Variants in BCO1 observed in about 807,000 individuals in gnomAD.
The protein encoded by BCO1 is beta,beta-carotene 15,15'-dioxygenase.
In BCO1, 54 loss-of-function variants were observed where a neutral mutation model predicts 56.3. The ratio of observed to expected loss-of-function variants is 0.96; its 90% CI spans 0.77 to 1.20. The LOEUF (loss-of-function observed/expected upper bound fraction) is 1.20. Ranked by LOEUF, BCO1 falls within the 50% of genes most tolerant of loss-of-function variation. The pLI is 0.00. For missense variants in BCO1, 801 were observed against 690.9 expected, an observed-to-expected ratio of 1.16 and a Z score of -1.79; for synonymous variants, 318 against 266.1, an observed-to-expected ratio of 1.20 and a Z score of -1.90.
rs1458087704 is a variant in BCO1 at position 81,249,562 on chromosome 16, A to C, written c.193+3959A>C. Among the ~76,000 whole-genome samples, 6 of 150,778 alleles carry C rather than the reference A, an allele frequency of 4.0e-5. No individual in the cohort carries two copies. The East Asian group carries it at 9.8e-4, about 25-fold the overall frequency. Reference sequence around the variant, plus strand: ...TGAGCCACTGTGCCCGGCCCCGGCTAGGTTTTTTTGTATTTTTAGTAGAGA... The same window carrying C: ...TGAGCCACTGTGCCCGGCCCCGGCTCGGTTTTTTTGTATTTTTAGTAGAGA... On this transcript the variant is annotated intron_variant, in intron 2 of 10. Coordinates refer to ENST00000258168, the MANE Select transcript of BCO1 (RefSeq NM_017429.3).
Position 81,262,167 on chromosome 16 carries a change from G to C in BCO1, c.355G>C (p.Asp119His). ...AFSYLSHTIP[D>H]FTDNCLINIM... ...CTCCTACTTGTCTCACACCATCCCC[G>C]ATTTCACCGACAACTGCCTGATCAA... Residue 119 changes from aspartate to histidine, a missense_variant, in exon 4 of 11, where the codon GAT (aspartate) becomes CAT (histidine). By Grantham distance (81) the Asp-to-His change is moderately conservative. Coordinates refer to ENST00000258168, the MANE Select transcript of BCO1 (RefSeq NM_017429.3). 6.2e-7 allele frequency: 1 copy of C among 1,613,896 alleles called. No individual in the cohort carries two copies. Among genetic ancestry groups the C allele is most frequent in the Non-Finnish European group, 8.5e-7 (1 of 1,179,974 alleles).
intron 1 of BCO1, among the ~76,000 whole-genome samples, chr16:81,241,767 G>A (rs1905127175): frequency 6.6e-6 from 1 of 152,200 alleles, no homozygotes; most frequent in African/African-American, 2.4e-5. Context: ...CCTGGGTTGA[G>A]CCTAATCAGT....
chr16:81,275,852 G>A (rs1441790774), intron 7 of BCO1, among the ~76,000 whole-genome samples: 3 of 152,230 alleles, frequency 2.0e-5, no homozygotes, highest in Non-Finnish European at 4.4e-5. Flanking sequence ...CAGGGCCTCT[G>A]GGCACCGTGG....
rs572401877 is a variant in BCO1 at position 81,241,920 on chromosome 16, A to C, written c.64+2948A>C. ...CTGAGACCTCTTTGGCAACTTAAGC[A>C]TTTCCTGCCTCAGTGTTCTTTTCTG... On this transcript the variant is annotated intron_variant, in intron 1 of 10. Transcript: ENST00000258168. Among the ~76,000 whole-genome samples the C allele has an allele frequency of 3.9e-5, 6 of 152,270 alleles. No homozygotes were observed. In the East Asian group the frequency reaches 1.2e-3, roughly 29 times the overall value.
chr16:81,269,501 C>T (rs948691115), intron 6 of BCO1, among the ~76,000 whole-genome samples: 18 of 152,104 alleles, frequency 1.2e-4, no homozygotes, highest in African/African-American at 4.1e-4. Context: ...GAGTTCCATG[C>T]TTGTCGCCTA....
chr16:81,281,482 G>A (rs1907879070), intron 8 of BCO1, among the ~76,000 whole-genome samples: 1 of 152,114 alleles, frequency 6.6e-6, no homozygotes. Flanking sequence ...GCAGTGGGTG[G>A]TTGTTGGGCC....
intron 1 of BCO1, among the ~76,000 whole-genome samples, chr16:81,243,690 A>C (rs545789170): frequency 1.3e-5 from 2 of 152,230 alleles, no homozygotes; most frequent in South Asian, 4.1e-4. Flanking sequence ...GCTTGTCTCC[A>C]GCTCCTGACC....
intron 2 of BCO1, among the ~76,000 whole-genome samples, chr16:81,248,630 T>A (rs1412476094): frequency 1.3e-5 from 2 of 152,106 alleles, no homozygotes; most frequent in African/African-American, 2.4e-5. Flanking sequence ...CAGCACTAAA[T>A]CTTAATGATT....
chr16:81,283,810 A>C (rs1327477228), intron 8 of BCO1, among the ~76,000 whole-genome samples: 1 of 152,164 alleles, frequency 6.6e-6, no homozygotes, highest in Non-Finnish European at 1.5e-5. Flanking sequence ...GCAACCACCT[A>C]GAATATTTCC....
chr16:81,267,767 C>T (rs377379208), intron 5 of BCO1, 141 bp from the exon 6 acceptor site: 5 of 735,890 alleles, frequency 6.8e-6, no homozygotes, highest in Admixed American at 4.0e-5. Flanking sequence ...GCTGCAGCAA[C>T]CTTGTTGTCT....
At position 81,238,907 on chromosome 16, in the gene BCO1, C is replaced by A. The variant is rs746337379; in HGVS notation, c.-2C>A. 3 of 1,613,882 alleles carry A rather than the reference C, an allele frequency of 1.9e-6. No individual in the cohort carries two copies. Among genetic ancestry groups the A allele is most frequent in the African/African-American group, 2.7e-5 (2 of 74,996 alleles). ...AATCGATCTCCCTCGGCACCCTGAG[C>A]AATGGATATAATATTTGGCAGGAAT... On this transcript the variant is annotated 5_prime_UTR_variant, in exon 1 of 11. Coordinates refer to ENST00000258168, the MANE Select transcript of BCO1 (RefSeq NM_017429.3).
chr16:81,282,213 TACCGAAAATACAAAA>T (rs889263750), intron 8 of BCO1, among the ~76,000 whole-genome samples: 1 of 152,094 alleles, frequency 6.6e-6, no homozygotes, highest in African/African-American at 2.4e-5. Context: ...AACACATCTC[TACCGAAAATACAAAA>T]ATTAGCCGGC....
chr16:81,262,256 C>A lies in BCO1; in HGVS notation c.444C>A (p.Asn148Lys). 6.2e-7 allele frequency: 1 copy of A among 1,613,602 alleles called. No individual in the cohort carries two copies. Among genetic ancestry groups the A allele is most frequent in the East Asian group, 2.2e-5 (1 of 44,866 alleles). The change falls in exon 4 of 11, where the codon AAC (asparagine) becomes AAA (lysine). Residue 148 changes from asparagine to lysine, a missense_variant. By Grantham distance (94) the Asn-to-Lys change is moderately conservative. Transcript: ENST00000258168. The part of the protein sequence containing the change: ...TSETNYIRKI[N>K]PQTLETLEKV... Reference sequence around the variant, plus strand: ...AGACCAATTACATCAGGAAAATCAACCCACAGACTCTGGAAACCCTGGAGA... The same window carrying A: ...AGACCAATTACATCAGGAAAATCAAACCACAGACTCTGGAAACCCTGGAGA...
chr16:81,288,653 T>G (rs1163734485), intron 10 of BCO1, among the ~76,000 whole-genome samples: 1 of 152,210 alleles, frequency 6.6e-6, no homozygotes, highest in Non-Finnish European at 1.5e-5. Flanking sequence ...CCCACCTCTA[T>G]TTTCTAGGTT....
chr16:81,239,848 C>T (rs902130192), intron 1 of BCO1, among the ~76,000 whole-genome samples: 2 of 152,036 alleles, frequency 1.3e-5, no homozygotes, highest in African/African-American at 4.8e-5. Flanking sequence ...GGTACCATTT[C>T]GACTCTAAAG....
In BCO1 at chr16:81,290,584, TGGGGTTTGGGTA is replaced by T. The variant is rs1198322065; in HGVS notation, c.*12_*23del. 6 of 1,609,900 alleles carry T rather than the reference TGGGGTTTGGGTA, an allele frequency of 3.7e-6. No individual in the cohort carries two copies. The highest frequency in any genetic ancestry group is 3.3e-4 in the Middle Eastern group (2 of 6,002). ...CGGGGCTCCTCTGACCTGATGGTGT[TGGGGTTTGGGTA>T]GGGGAGGGGAGCTCGGCTGTCAGAA... On this transcript the variant is annotated 3_prime_UTR_variant, in exon 11 of 11. Transcript: ENST00000258168.
intron 2 of BCO1, among the ~76,000 whole-genome samples, chr16:81,255,602 C>T (rs376332287): frequency 4.2e-4 from 64 of 151,182 alleles, no homozygotes; most frequent in African/African-American, 6.3e-4. Flanking sequence ...TGGGTTCGAG[C>T]GATTCTCCTG....
chr16:81,253,254 C>T (rs919746682), intron 2 of BCO1, among the ~76,000 whole-genome samples: 1 of 152,260 alleles, frequency 6.6e-6, no homozygotes, highest in African/African-American at 2.4e-5. Context: ...AAACCTAGAG[C>T]CGAAGCCTTG....
rs1419979074 is a variant in BCO1, at chr16:81,280,886, A to C, written c.1131A>C (p.Lys377Asn). 4 of 1,614,084 alleles carry C rather than the reference A, an allele frequency of 2.5e-6. No homozygotes were observed. The highest frequency in any genetic ancestry group is 3.4e-6 in the Non-Finnish European group (4 of 1,179,946). Residue 377 changes from lysine (K) to asparagine (N), a missense_variant, in exon 8 of 11, where the codon AAA becomes AAC. Coordinates refer to ENST00000258168, the MANE Select transcript of BCO1 (RefSeq NM_017429.3). ...CAGAAGTGGGCACAAATTTAATCAA[A>C]GTGGCATCTACAACAGCCACGGCCC... ...KNAEVGTNLI[K>N]VASTTATALK...
Sources: gnomAD v4.1 joint callset for allele counts (sites outside exome capture counted in the v4.1 genomes callset) on GRCh38, gnomAD v4.1.1 for gene constraint, MANE v1.5 for transcripts, NCBI Gene and HGNC (gene_info 2026-07-23, HGNC 2026-07-21) for gene names.